The following PTPRD variants were observed in gnomAD, a reference collection of about 807,000 sequenced individuals.
The protein encoded by PTPRD is protein tyrosine phosphatase receptor type D.
In PTPRD, 34 loss-of-function variants were observed where a neutral mutation model predicts 214.5. The observed-to-expected ratio is 0.16, with a 90% CI of 0.12 to 0.21. The LOEUF (loss-of-function observed/expected upper bound fraction) is 0.21, where lower values mean the gene tolerates loss of function less well. Among genes scored for constraint, PTPRD ranks in the 10% least tolerant of loss-of-function variants. The pLI, the probability that PTPRD is intolerant of heterozygous loss-of-function variation, is 1.00. For synonymous variants in PTPRD, 1,128 were observed against 845.7 expected, an observed-to-expected ratio of 1.33 and a Z score of -5.79; for missense variants, 2,545 against 2,398.7, an observed-to-expected ratio of 1.06 and a Z score of -1.27.
chr9:9,220,427 C>G (rs538935959), intron 9 of PTPRD, among the ~76,000 whole-genome samples: 1 of 151,628 alleles, frequency 6.6e-6, no homozygotes, highest in South Asian at 2.1e-4. Context: ...AATACACTAA[C>G]TAAGTTAGCC....
At chr9:8,436,723 A>G (rs768957216) in intron 34 of PTPRD, 34 bp from the exon 35 acceptor site, 1 of 1,511,104 alleles carries the variant, frequency 6.6e-7, no homozygotes, top group Admixed American at 1.7e-5. Context: ...ACACATTTGA[A>G]AACAAATGAA....
intron 14 of PTPRD, among the ~76,000 whole-genome samples, chr9:8,540,348 C>T (rs1347210543): frequency 6.6e-6 from 1 of 152,000 alleles, no homozygotes; most frequent in Non-Finnish European, 1.5e-5. Context: ...ACTGTTATTA[C>T]CAATTTCACA....
At chr9:9,184,339 C>A (rs900499565) in intron 9 of PTPRD, among the ~76,000 whole-genome samples, 1 of 152,058 alleles carries the variant, frequency 6.6e-6, no homozygotes, top group East Asian at 1.9e-4. Flanking sequence ...TGACTACATT[C>A]CTCACCATGG....
chr9:8,470,118 C>T (rs1033611224), intron 31 of PTPRD, among the ~76,000 whole-genome samples: 4 of 152,054 alleles, frequency 2.6e-5, no homozygotes, highest in Non-Finnish European at 2.9e-5. Flanking sequence ...CAAATGGGGG[C>T]GTTACGGTTA....
chr9:8,997,169 T>A (rs150900518), intron 11 of PTPRD, among the ~76,000 whole-genome samples: 81 of 152,256 alleles, frequency 5.3e-4, no homozygotes, highest in Middle Eastern at 3.4e-3. Flanking sequence ...TTTGAACATT[T>A]AAGCTATCTT....
chr9:8,649,261 T>G (rs1484348245), intron 12 of PTPRD, among the ~76,000 whole-genome samples: 1 of 152,242 alleles, frequency 6.6e-6, no homozygotes, highest in Non-Finnish European at 1.5e-5. Context: ...AGAGAAGATC[T>G]GCTGGTGTCA....
At chr9:9,449,312 A>ATC (rs2091442750) in intron 8 of PTPRD, among the ~76,000 whole-genome samples, 1 of 152,134 alleles carries the variant, frequency 6.6e-6, no homozygotes. Flanking sequence ...ATGTAAGATT[A>ATC]TCTCAAACAT....
chr9:8,424,645 A>G (rs892780817), intron 35 of PTPRD, among the ~76,000 whole-genome samples: 2 of 142,752 alleles, frequency 1.4e-5, no homozygotes, highest in Non-Finnish European at 3.0e-5. Flanking sequence ...TGATATAAAA[A>G]TACTCTGTTA....
chr9:9,890,530 A>T (rs1469441161), intron 5 of PTPRD, among the ~76,000 whole-genome samples: 4 of 152,006 alleles, frequency 2.6e-5, no homozygotes, highest in Non-Finnish European at 5.9e-5. Context: ...TTACTATTAA[A>T]ATTGCTGTGT....
chr9:8,599,181 C>T (rs2094657275), intron 14 of PTPRD, among the ~76,000 whole-genome samples: 1 of 152,076 alleles, frequency 6.6e-6, no homozygotes, highest in Non-Finnish European at 1.5e-5. Flanking sequence ...TAAAACATGA[C>T]TTTACTTCTC....
chr9:9,285,842 G>T (rs1452163487), intron 9 of PTPRD, among the ~76,000 whole-genome samples: 2 of 151,722 alleles, frequency 1.3e-5, no homozygotes, highest in Non-Finnish European at 2.9e-5. Flanking sequence ...TTTGTATGTA[G>T]ATAGCTCTGA....
chr9:10,547,540 C>T (rs761989129), intron 2 of PTPRD, among the ~76,000 whole-genome samples: 35 of 151,960 alleles, frequency 2.3e-4, no homozygotes, highest in Non-Finnish European at 4.1e-4. Flanking sequence ...TCTCATTCCC[C>T]TCTTCCCTGA....
At chr9:10,038,334 A>T (rs1316975574) in intron 3 of PTPRD, among the ~76,000 whole-genome samples, 1 of 152,116 alleles carries the variant, frequency 6.6e-6, no homozygotes, top group Non-Finnish European at 1.5e-5. Context: ...GATAAATCCC[A>T]AATATATAGC....
intron 10 of PTPRD, among the ~76,000 whole-genome samples, chr9:9,033,781 A>T (rs324462): frequency 2.6e-4 from 40 of 151,816 alleles, no homozygotes; most frequent in African/African-American, 9.4e-4. Flanking sequence ...TATCTCAGGC[A>T]TGAAACACCA....
intron 6 of PTPRD, among the ~76,000 whole-genome samples, chr9:9,746,796 G>C (rs897926400): frequency 6.7e-6 from 1 of 149,296 alleles, no homozygotes; most frequent in Non-Finnish European, 1.5e-5. Context: ...TGTGAAGATA[G>C]ACAAGATGTG....
At chr9:10,569,229 T>A (rs2066652890) in intron 2 of PTPRD, among the ~76,000 whole-genome samples, 1 of 152,128 alleles carries the variant, frequency 6.6e-6, no homozygotes, top group South Asian at 2.1e-4. Flanking sequence ...AGATACCATT[T>A]CACACCAGTT....
chr9:8,839,895 T>C (rs189354288), intron 11 of PTPRD, among the ~76,000 whole-genome samples: 37 of 152,294 alleles, frequency 2.4e-4, no homozygotes, highest in Admixed American at 1.3e-3. Flanking sequence ...AATACATTTA[T>C]GGTAAAATGA....
chr9:10,565,942 T>C (rs1270788012), intron 2 of PTPRD, among the ~76,000 whole-genome samples: 1 of 152,068 alleles, frequency 6.6e-6, no homozygotes, highest in Non-Finnish European at 1.5e-5. Flanking sequence ...ACTTCATCAT[T>C]CTTCTGCTTT....
At chr9:9,960,559 G>C (rs1266009612) in intron 4 of PTPRD, among the ~76,000 whole-genome samples, 1 of 152,078 alleles carries the variant, frequency 6.6e-6, no homozygotes, top group African/African-American at 2.4e-5. Flanking sequence ...TAGCATGATA[G>C]CATGTACTTT....
Sources: gnomAD v4.1 joint callset for allele counts (sites outside exome capture counted in the v4.1 genomes callset) on GRCh38, gnomAD v4.1.1 for gene constraint, MANE v1.5 for transcripts, NCBI Gene and HGNC (gene_info 2026-07-23, HGNC 2026-07-21) for gene names.